Variants in GRM7 observed in about 807,000 individuals in gnomAD.
GRM7 encodes metabotropic glutamate receptor 7.
GRM7 carries 35 observed loss-of-function variants against 84.5 expected under a neutral mutation model. That is an observed-to-expected ratio of 0.41 (90% CI 0.32 to 0.55). GRM7 has a LOEUF of 0.55. Among genes scored for constraint, GRM7 ranks in the 20% least tolerant of loss-of-function variants. GRM7 has a pLI of 0.19. For missense variants in GRM7, 1,003 were observed against 1,194.6 expected, an observed-to-expected ratio of 0.84 and a Z score of 2.36; for synonymous variants, 487 against 455.1, an observed-to-expected ratio of 1.07 and a Z score of -0.89.
chr3:7,147,625 A>G (rs1014803766), intron 2 of GRM7, among the ~76,000 whole-genome samples: 70 of 152,212 alleles, frequency 4.6e-4, no homozygotes, highest in African/African-American at 1.7e-3. Context: ...GTCAGACTAC[A>G]GATATACTCA....
intron 8 of GRM7, among the ~76,000 whole-genome samples, chr3:7,663,938 G>T (rs962791104): frequency 1.3e-5 from 2 of 152,144 alleles, no homozygotes; most frequent in African/African-American, 4.8e-5. Flanking sequence ...TTAACACTGC[G>T]CCTTAATGCA....
At chr3:7,563,482 A>G (rs920789876) in intron 7 of GRM7, among the ~76,000 whole-genome samples, 2 of 152,196 alleles carry the variant, frequency 1.3e-5, no homozygotes, top group African/African-American at 2.4e-5. Context: ...GATGGCAAAG[A>G]TGAAATGCTA....
intron 1 of GRM7, among the ~76,000 whole-genome samples, chr3:7,146,011 T>C (rs1694099086): frequency 6.6e-6 from 1 of 152,214 alleles, no homozygotes; most frequent in Non-Finnish European, 1.5e-5. Flanking sequence ...CAATCGATGT[T>C]AGATGGCTAA....
intron 1 of GRM7, among the ~76,000 whole-genome samples, chr3:6,887,315 G>C (rs1695734535): frequency 6.6e-6 from 1 of 151,684 alleles, no homozygotes; most frequent in African/African-American, 2.4e-5. Flanking sequence ...GTGCCATGCT[G>C]GTGTGCTGCA....
chr3:7,178,371 T>C (rs553791023), intron 2 of GRM7, among the ~76,000 whole-genome samples: 1 of 152,134 alleles, frequency 6.6e-6, no homozygotes, highest in Non-Finnish European at 1.5e-5. Context: ...TGTAATCAGA[T>C]TTTGGTTTTT....
At chr3:7,496,821 C>CCA (rs1428986353) in intron 7 of GRM7, among the ~76,000 whole-genome samples, 2 of 151,050 alleles carry the variant, frequency 1.3e-5, no homozygotes, top group Admixed American at 6.6e-5. Context: ...GTGATTATAC[C>CCA]CACACACACT....
chr3:7,464,945 G>A (rs1381723981), intron 7 of GRM7, among the ~76,000 whole-genome samples: 1 of 151,796 alleles, frequency 6.6e-6, no homozygotes, highest in Admixed American at 6.6e-5. Context: ...GCAGTGAGCC[G>A]AGATCATGCC....
At chr3:7,031,929 A>G (rs1412671991) in intron 1 of GRM7, among the ~76,000 whole-genome samples, 1 of 152,118 alleles carries the variant, frequency 6.6e-6, no homozygotes, top group African/African-American at 2.4e-5. Flanking sequence ...TATGAATGCT[A>G]ACACAGTCTT....
intron 7 of GRM7, among the ~76,000 whole-genome samples, chr3:7,554,404 A>G (rs1693658457): frequency 6.6e-6 from 1 of 152,146 alleles, no homozygotes; most frequent in Admixed American, 6.5e-5. Flanking sequence ...GTCGCTTGCT[A>G]TGGTGGTAGA....
At chr3:7,367,882 C>G (rs537600274) in intron 4 of GRM7, among the ~76,000 whole-genome samples, 2 of 150,840 alleles carry the variant, frequency 1.3e-5, no homozygotes, top group African/African-American at 4.9e-5. Context: ...ACATTCTTCC[C>G]TTTGCCATAA....
chr3:7,303,412 A>G (rs1335840427), intron 3 of GRM7, among the ~76,000 whole-genome samples: 2 of 152,100 alleles, frequency 1.3e-5, no homozygotes, highest in Non-Finnish European at 2.9e-5. Context: ...TTATCTGCAT[A>G]ATGTGTACGT....
chr3:7,164,531 T>C (rs1239148542), intron 2 of GRM7, among the ~76,000 whole-genome samples: 2 of 152,208 alleles, frequency 1.3e-5, no homozygotes, highest in Non-Finnish European at 2.9e-5. Context: ...ATCCCCACTA[T>C]GTCTCTAACT....
At chr3:7,071,953 T>TA (rs958260117) in intron 1 of GRM7, among the ~76,000 whole-genome samples, 5 of 151,912 alleles carry the variant, frequency 3.3e-5, no homozygotes, top group African/African-American at 7.3e-5. Context: ...CAAAAAAATT[T>TA]AAAAAAAAGA....
At chr3:6,925,076 T>A (rs2055321) in intron 1 of GRM7, among the ~76,000 whole-genome samples, 3 of 152,094 alleles carry the variant, frequency 2.0e-5, no homozygotes, top group African/African-American at 4.8e-5. Flanking sequence ...GTGGGGAGAA[T>A]GGAGTAAAGA....
At chr3:7,603,470 A>T (rs1696416572) in intron 8 of GRM7, among the ~76,000 whole-genome samples, 1 of 152,184 alleles carries the variant, frequency 6.6e-6, no homozygotes, top group Admixed American at 6.6e-5. Flanking sequence ...AATAGCACTG[A>T]GGATTTCCAA....
chr3:6,992,979 T>C (rs1218587199), intron 1 of GRM7, among the ~76,000 whole-genome samples: 1 of 152,206 alleles, frequency 6.6e-6, no homozygotes, highest in African/African-American at 2.4e-5. Context: ...ATACTGTTAA[T>C]AAAGACATAA....
At chr3:7,029,301 C>CAAAAAAAAAAAAAAAAA (rs57622634) in intron 1 of GRM7, among the ~76,000 whole-genome samples, 3 of 55,204 alleles carry the variant, frequency 5.4e-5, no homozygotes, top group African/African-American at 1.3e-4. Flanking sequence ...GACTCTGCCT[C>CAAAAAAAAAAAAAAAAA]AAAAAAAAAA....
At chr3:7,103,792 TTCTTTCTTTCTTTCTTTCTTTC>T (rs1699197543) in intron 1 of GRM7, among the ~76,000 whole-genome samples, 1 of 113,900 alleles carries the variant, frequency 8.8e-6, no homozygotes. Flanking sequence ...CTTTCTTTCT[TTCTTTCTTTCTTTCTTTCTTTC>T]TTTCTCTCTC....
At chr3:7,479,244 T>C (rs1277085013) in intron 7 of GRM7, among the ~76,000 whole-genome samples, 5 of 152,018 alleles carry the variant, frequency 3.3e-5, no homozygotes, top group Non-Finnish European at 7.4e-5. Context: ...TACATCTCAC[T>C]GGTGACTCAC....
Sources: allele counts gnomAD v4.1 joint callset (sites outside exome capture counted in the v4.1 genomes callset), GRCh38; gene constraint gnomAD v4.1.1; transcripts MANE v1.5; gene names NCBI Gene and HGNC (gene_info 2026-07-23, HGNC 2026-07-21).